GAB2: variants seen among roughly 807,000 people sequenced by gnomAD.
GAB2 encodes the protein GRB2 associated binding protein 2, also known as GRB2-associated-binding protein 2.
In GAB2, 26 loss-of-function variants were observed where a neutral mutation model predicts 65.5. The observed-to-expected ratio is 0.40, with a 90% CI of 0.29 to 0.55. The LOEUF is 0.55. GAB2 is among the 20% of genes least tolerant of loss of function. The probability of loss-of-function intolerance (pLI) is 0.53; values close to 1 mark genes in which losing one functional copy is unlikely to be tolerated. For missense variants in GAB2, 884 were observed against 875.8 expected, an observed-to-expected ratio of 1.01 and a Z score of -0.12; for synonymous variants, 321 against 329.6, an observed-to-expected ratio of 0.97 and a Z score of 0.28.
rs1590945180 is a variant in GAB2 at position 78,226,750 on chromosome 11, C to G, written c.922G>C (p.Asp308His). ...PSNTLCREFG[D>H]LLVDNMDVPA... is the part of the protein sequence containing the mutation. ...ACATCCATATTGTCTACCAGGAGGT[C>G]CCCGAACTCCCTGCACAGGGTGTTG... The change falls in exon 4 of 10, where the codon GAC (aspartate) becomes CAC (histidine). Residue 308 changes from aspartate to histidine, a missense_variant. By Grantham distance (81) the Asp-to-His change is moderately conservative (BLOSUM62 -1). Transcript: ENST00000361507. The G allele has an allele frequency of 1.2e-6, 2 of 1,613,986 alleles. No homozygotes were observed. Among genetic ancestry groups the G allele is most frequent in the East Asian group, 4.5e-5 (2 of 44,864 alleles).
chr11:78,417,408 C>T (rs1006189904), intron 1 of GAB2, among the ~76,000 whole-genome samples: 2 of 151,986 alleles, frequency 1.3e-5, no homozygotes, highest in African/African-American at 4.8e-5. Flanking sequence ...GCGCCGCAGC[C>T]GCACCCGCCT....
intron 1 of GAB2, among the ~76,000 whole-genome samples, chr11:78,412,493 A>G (rs1225105277): frequency 6.6e-6 from 1 of 152,210 alleles, no homozygotes; most frequent in Non-Finnish European, 1.5e-5. Context: ...CAGATTAAGG[A>G]TGTGGTAGGG....
chr11:78,411,670 T>C (rs777887205), intron 1 of GAB2, among the ~76,000 whole-genome samples: 1 of 151,704 alleles, frequency 6.6e-6, no homozygotes, highest in Non-Finnish European at 1.5e-5. Flanking sequence ...ACATCTTACA[T>C]GAAAATTAAC....
intron 1 of GAB2, among the ~76,000 whole-genome samples, chr11:78,407,545 A>C (rs1857060924): frequency 6.6e-6 from 1 of 152,012 alleles, no homozygotes; most frequent in Non-Finnish European, 1.5e-5. Flanking sequence ...AGGCAGGAGA[A>C]TCTATTGAAC....
At chr11:78,259,736 A>C (rs1865684377) in intron 2 of GAB2, among the ~76,000 whole-genome samples, 1 of 152,098 alleles carries the variant, frequency 6.6e-6, no homozygotes, top group African/African-American at 2.4e-5. Flanking sequence ...CCCTCCTCCT[A>C]CCTCTCAAAT....
chr11:78,283,864 C>CA (rs539769736), intron 1 of GAB2, among the ~76,000 whole-genome samples: 2 of 152,118 alleles, frequency 1.3e-5, no homozygotes, highest in Non-Finnish European at 2.9e-5. Context: ...TAGAATGCCC[C>CA]AATGCTCAGT....
intron 3 of GAB2, among the ~76,000 whole-genome samples, chr11:78,228,094 C>G (rs1215209167): frequency 6.6e-6 from 1 of 152,196 alleles, no homozygotes; most frequent in East Asian, 1.9e-4. Flanking sequence ...CTGATACGTG[C>G]TGTGTGTATC....
In GAB2 at chr11:78,216,391, G is replaced by A. The variant is rs1164442357; in HGVS notation, c.*2881C>T. 6.6e-6 allele frequency: 1 copy of A among 152,200 alleles called. No individual in the cohort carries two copies. The highest frequency in any genetic ancestry group is 6.5e-5 in the Admixed American group (1 of 15,278). 9.4% of individuals were successfully genotyped at this position (152,200 alleles called of 1,614,324 possible). On this transcript the variant is annotated 3_prime_UTR_variant, in exon 10 of 10. Transcript: ENST00000361507. The stretch of plus-strand genomic sequence containing the variant: ...ACTTTGACCCATGGATAGGCCAAAG[G>A]ACCAGTTTTTTCAACTGAGTTGACT...
chr11:78,303,994 G>A (rs773555480), intron 1 of GAB2, among the ~76,000 whole-genome samples: 3 of 151,992 alleles, frequency 2.0e-5, no homozygotes, highest in African/African-American at 7.2e-5. Flanking sequence ...CAAAGTTGGG[G>A]GAAGGGCAGA....
At chr11:78,367,320 T>C (rs964008333) in intron 1 of GAB2, among the ~76,000 whole-genome samples, 1 of 152,122 alleles carries the variant, frequency 6.6e-6, no homozygotes, top group Non-Finnish European at 1.5e-5. Flanking sequence ...TCTGGAAGTG[T>C]AAAGGGTCAG....
chr11:78,326,153 C>T (rs995496009), intron 1 of GAB2, among the ~76,000 whole-genome samples: 1 of 152,212 alleles, frequency 6.6e-6, no homozygotes, highest in African/African-American at 2.4e-5. Flanking sequence ...CTTTATTCCA[C>T]TTATATCTTG....
intron 1 of GAB2, among the ~76,000 whole-genome samples, chr11:78,387,600 T>C (rs1365912924): frequency 6.6e-6 from 1 of 152,200 alleles, no homozygotes; most frequent in Non-Finnish European, 1.5e-5. Flanking sequence ...CTGCCATCAC[T>C]CACATATCCT....
intron 2 of GAB2, among the ~76,000 whole-genome samples, chr11:78,277,548 C>T (rs1313962918): frequency 6.6e-6 from 1 of 152,230 alleles, no homozygotes; most frequent in Non-Finnish European, 1.5e-5. Context: ...CTCAAGCACG[C>T]ACACTATGAG....
rs1421836447 is a variant in GAB2, at chr11:78,309,971, T to TGTGTGTGTGTGTGTGTGTGTGTGTGCGC, written c.76-29071_76-29070insGCGCACACACACACACACACACACACAC. Among the ~76,000 whole-genome samples the TGTGTGTGTGTGTGTGTGTGTGTGTGCGC allele has an allele frequency of 8.8e-4, 106 of 120,126 alleles. 1 individual carries two copies. Among genetic ancestry groups the TGTGTGTGTGTGTGTGTGTGTGTGTGCGC allele is most frequent in the African/African-American group, 3.7e-3 (103 of 28,032 alleles). The allele number at this position is 120,126 out of a possible 152,430, so 78.8% of individuals were successfully genotyped here. On this transcript the variant is annotated intron_variant, in intron 1 of 9. Transcript: ENST00000361507. ...GTGTGTGTGTGTGTGTGTGTGTGTG[T>TGTGTGTGTGTGTGTGTGTGTGTGTGCGC]GCGCGCGCGCCTGTGTGTGTGGTGG...
At chr11:78,397,091 T>C (rs927973846) in intron 1 of GAB2, among the ~76,000 whole-genome samples, 13 of 152,358 alleles carry the variant, frequency 8.5e-5, no homozygotes, top group African/African-American at 3.1e-4. Context: ...TGTGTGTTTA[T>C]AATTACTTTA....
chr11:78,409,544 A>G (rs954983352), intron 1 of GAB2, among the ~76,000 whole-genome samples: 1 of 152,158 alleles, frequency 6.6e-6, no homozygotes, highest in Non-Finnish European at 1.5e-5. Flanking sequence ...AGATCATGCT[A>G]TTGCACCTCC....
intron 1 of GAB2, among the ~76,000 whole-genome samples, chr11:78,307,712 T>C (rs910228403): frequency 6.6e-6 from 1 of 152,180 alleles, no homozygotes; most frequent in Non-Finnish European, 1.5e-5. Context: ...ACTAATTGAA[T>C]CTGCAAACAT....
intron 1 of GAB2, among the ~76,000 whole-genome samples, chr11:78,405,090 G>C (rs1205492554): frequency 7.1e-6 from 1 of 140,666 alleles, no homozygotes; most frequent in East Asian, 2.2e-4. Flanking sequence ...AAAAAACATG[G>C]ATTTTTTTTT....
intron 3 of GAB2, among the ~76,000 whole-genome samples, chr11:78,248,301 T>G (rs1399290647): frequency 6.6e-6 from 1 of 152,176 alleles, no homozygotes; most frequent in East Asian, 1.9e-4. Context: ...TGTTCTCTGA[T>G]GCGTCAGCAG....
Sources: allele counts gnomAD v4.1 joint callset (sites outside exome capture counted in the v4.1 genomes callset), GRCh38; gene constraint gnomAD v4.1.1; transcripts MANE v1.5; gene names NCBI Gene and HGNC (gene_info 2026-07-23, HGNC 2026-07-21).